Variants in IPO11 observed in about 807,000 individuals in gnomAD.
IPO11 encodes the protein importin 11.
Under a neutral mutation model 143.2 loss-of-function variants are expected in IPO11, and 66 were observed. The ratio of observed to expected loss-of-function variants is 0.46; its 90% CI spans 0.38 to 0.57. IPO11 has a LOEUF of 0.57. Among genes scored for constraint, IPO11 ranks in the 20% least tolerant of loss-of-function variants. IPO11 has a pLI of 0.00. For missense variants in IPO11, 1,026 were observed against 1,141.0 expected, an observed-to-expected ratio of 0.90 and a Z score of 1.45; for synonymous variants, 385 against 377.8, an observed-to-expected ratio of 1.02 and a Z score of -0.22.
chr5:62,480,906 AT>A (rs34947365), intron 9 of IPO11, among the ~76,000 whole-genome samples: 58 of 84,974 alleles, frequency 6.8e-4, no homozygotes, highest in African/African-American at 1.4e-3. Context: ...TTCCTCTTTC[AT>A]TTTTTTTTTT....
At chr5:62,538,759 T>C (rs1028060686) in intron 24 of IPO11, among the ~76,000 whole-genome samples, 1 of 152,220 alleles carries the variant, frequency 6.6e-6, no homozygotes, top group African/African-American at 2.4e-5. Context: ...GCACAGTCTA[T>C]GACGTTTGCA....
chr5:62,484,122 A>G lies in IPO11; in HGVS notation c.1134A>G (p.Glu378=). The G allele has an allele frequency of 6.2e-7, 1 of 1,608,476 alleles. No individual in the cohort carries two copies. Among genetic ancestry groups the G allele is most frequent in the Non-Finnish European group, 8.5e-7 (1 of 1,178,422 alleles). The change falls in exon 11 of 30, where the codon GAA becomes GAG. Residue 378 remains glutamate (E), a synonymous_variant. Coordinates refer to ENST00000325324, the MANE Select transcript of IPO11 (RefSeq NM_016338.5). ...TCTCTCATTATTTCCTATTAACTGA[A>G]GAAGAACTGACAATGTGGGAAGAAG... is the stretch of plus-strand genomic sequence containing the variant. ...RLVSHYFLLT[E]EELTMWEEDP...
intron 5 of IPO11, among the ~76,000 whole-genome samples, 192 bp downstream of exon 5, chr5:62,452,125 G>T (rs1744953542): frequency 6.6e-6 from 1 of 151,638 alleles, no homozygotes; most frequent in African/African-American, 2.4e-5. Flanking sequence ...CACGCCTGTG[G>T]TTCCAGCTAC....
intron 27 of IPO11, among the ~76,000 whole-genome samples, chr5:62,565,760 G>A (rs1441575899): frequency 6.6e-6 from 1 of 151,822 alleles, no homozygotes; most frequent in Non-Finnish European, 1.5e-5. Flanking sequence ...TTGTCCTAAT[G>A]CTCAACCTCC....
At chr5:62,454,286 C>T (rs917071793) in intron 5 of IPO11, among the ~76,000 whole-genome samples, 30 of 152,212 alleles carry the variant, frequency 2.0e-4, no homozygotes, top group African/African-American at 7.0e-4. Flanking sequence ...GGACCGTTCA[C>T]TCACTCAAGT....
intron 3 of IPO11, among the ~76,000 whole-genome samples, chr5:62,444,067 T>C (rs1744612442): frequency 6.6e-6 from 1 of 152,074 alleles, no homozygotes; most frequent in Admixed American, 6.5e-5. Context: ...TGGGATACTA[T>C]ATTACGGTTT....
In IPO11 at chr5:62,470,347, T is replaced by G. The variant is rs566640662; in HGVS notation, c.708+39T>G. 5 of 1,567,474 alleles carry G rather than the reference T, an allele frequency of 3.2e-6. No homozygotes were observed. The Admixed American group carries it at 6.7e-5, about 21-fold the overall frequency. ...GAAATTTGCTGTGACTTTGGGAAAG[T>G]GGTATTTTCCTGAATGTTTGAAAGA... On this transcript the variant is annotated intron_variant, in intron 7 of 29. Coordinates refer to ENST00000325324, the MANE Select transcript of IPO11 (RefSeq NM_016338.5).
chr5:62,600,835 G>A (rs1276381829), intron 28 of IPO11, among the ~76,000 whole-genome samples: 1 of 152,170 alleles, frequency 6.6e-6, no homozygotes, highest in Non-Finnish European at 1.5e-5. Flanking sequence ...TGGATCAGAG[G>A]CAGTCACTCC....
At chr5:62,564,279 C>A (rs1743864291) in intron 27 of IPO11, among the ~76,000 whole-genome samples, 2 of 151,946 alleles carry the variant, frequency 1.3e-5, no homozygotes, top group South Asian at 4.1e-4. Context: ...TGTAGTGGAA[C>A]GTGCTGATAT....
chr5:62,580,406 T>G, intron 27 of IPO11: 2 of 1,551,176 alleles, frequency 1.3e-6, no homozygotes, highest in Non-Finnish European at 1.7e-6. Context: ...TTTGAAAATA[T>G]GGGAGCATCT....
At chr5:62,427,624 C>T (rs1743805011) in intron 1 of IPO11, among the ~76,000 whole-genome samples, 1 of 152,216 alleles carries the variant, frequency 6.6e-6, no homozygotes, top group African/African-American at 2.4e-5. Context: ...AAAGCACAAA[C>T]CCTGTTGTGA....
chr5:62,546,668 A>G (rs1224637644), intron 24 of IPO11, among the ~76,000 whole-genome samples: 5 of 152,200 alleles, frequency 3.3e-5, no homozygotes, highest in Non-Finnish European at 5.9e-5. Context: ...ACTAAAGTGC[A>G]AAAGTTCTTT....
intron 27 of IPO11, among the ~76,000 whole-genome samples, chr5:62,569,544 G>T (rs1016178107): frequency 6.6e-6 from 1 of 152,172 alleles, no homozygotes; most frequent in Non-Finnish European, 1.5e-5. Flanking sequence ...AGCCTGAGCT[G>T]ATTTCTAACC....
At chr5:62,484,232 G>T in intron 11 of IPO11, 70 bp downstream of exon 11, 1 of 1,233,964 alleles carries the variant, frequency 8.1e-7, no homozygotes, top group Non-Finnish European at 1.1e-6. Context: ...TGAGTGATAG[G>T]TATAATATTG....
In IPO11 at chr5:62,561,188, A is replaced by G. The variant is rs1743756783; in HGVS notation, c.2513A>G (p.Asn838Ser). Residue 838 changes from asparagine to serine, a missense_variant, in exon 27 of 30, where the codon AAC (asparagine) becomes AGC (serine). Around this residue, in one of 5 missense-constraint regions of IPO11, gnomAD observed 351 missense variants for 358.9 expected, o/e 0.98. Transcript: ENST00000325324. ...GAAATGTGGGTTGATCGAATGGACA[A>G]CATTACCCAGCCTGAAAGAAGAAAA... ...MIEMWVDRMD[N>S]ITQPERRKLS... 2 of 1,611,512 alleles carry G rather than the reference A, an allele frequency of 1.2e-6. No homozygotes were observed. Among genetic ancestry groups the G allele is most frequent in the Admixed American group, 1.7e-5 (1 of 59,684 alleles).
intron 26 of IPO11, among the ~76,000 whole-genome samples, chr5:62,555,233 C>G (rs1048981847): frequency 6.6e-6 from 1 of 150,940 alleles, no homozygotes; most frequent in Admixed American, 6.6e-5. Flanking sequence ...CACCAATTCA[C>G]GAACATGGTG....
chr5:62,601,633 T>C (rs1446764347), intron 28 of IPO11, 131 bp from the exon 29 acceptor site: 2 of 441,548 alleles, frequency 4.5e-6, no homozygotes, highest in Non-Finnish European at 3.9e-6. Context: ...TTATCTAGTC[T>C]TTTTCTCACA....
Position 62,494,063 on chromosome 5 carries a change from C to G in IPO11, c.1529C>G (p.Ser510Cys). ...IGQWISVKFK[S>C]DLRPMLYEAI... ...CAGTGGATTTCTGTGAAATTCAAGT[C>G]TGACTTAAGACCCATGCTTTATGAA... Residue 510 changes from serine (S) to cysteine (C), a missense_variant, in exon 16 of 30, where the codon TCT becomes TGT. This residue lies in a region of IPO11 where 237 missense variants were observed against 288.0 expected (regional missense o/e 0.82). Transcript: ENST00000325324. The G allele has an allele frequency of 6.2e-7, 1 of 1,613,552 alleles. No individual in the cohort carries two copies.
intron 5 of IPO11, among the ~76,000 whole-genome samples, chr5:62,458,871 T>C (rs956992692): frequency 6.6e-6 from 1 of 152,204 alleles, no homozygotes; most frequent in Non-Finnish European, 1.5e-5. Flanking sequence ...ATAAAGCCTC[T>C]TGTCTGAGTC....
Sources: gnomAD v4.1 joint callset for allele counts (sites outside exome capture counted in the v4.1 genomes callset) on GRCh38, gnomAD v4.1.1 for gene constraint, gnomAD v4.1.1 regional missense constraint, MANE v1.5 for transcripts, NCBI Gene and HGNC (gene_info 2026-07-23, HGNC 2026-07-21) for gene names.